Variants in TLN1 observed in about 807,000 individuals in gnomAD.
The protein encoded by TLN1 is talin-1.
TLN1 carries 56 observed loss-of-function variants against 292.3 expected under a neutral mutation model. The ratio of observed to expected loss-of-function variants is 0.19; its 90% CI spans 0.15 to 0.24. The LOEUF is 0.24. TLN1 is among the 10% of genes least tolerant of loss of function. TLN1 has a pLI of 1.00. For missense variants in TLN1, 2,433 were observed against 3,248.2 expected (o/e 0.75, Z 6.10); for synonymous variants, 1,119 against 1,253.7 (o/e 0.89, Z 2.27).
chr9:35,711,267 G>C lies in TLN1; in HGVS notation c.4007C>G (p.Ala1336Gly). The C allele has an allele frequency of 1.2e-6, 2 of 1,614,128 alleles. No individual in the cohort carries two copies. The highest frequency in any genetic ancestry group is 2.7e-5 in the African/African-American group (2 of 75,044). Residue 1336 changes from alanine to glycine, a missense_variant, in exon 30 of 57, where the codon GCT becomes GGT. Physicochemically the swap from Ala to Gly is moderately conservative, Grantham distance 60. Around this residue, in one of 7 missense-constraint regions of TLN1, gnomAD observed 1,384 missense variants for 1,699.6 expected, o/e 0.81. Transcript: ENST00000314888. ...AGCAACTACTTACCTGGCAGCTGCA[G>C]CCAGCTGACTCTTGAGGTTAGGGGC... ...PAAPNLKSQL[A>G]AAARAVTDSI...
In TLN1 at chr9:35,705,998, A is replaced by C. The variant is rs778340516; in HGVS notation, c.5475T>G (p.Gly1825=). The C allele has an allele frequency of 1.8e-5, 29 of 1,614,146 alleles. No individual in the cohort carries two copies. The highest frequency in any genetic ancestry group is 2.5e-5 in the Non-Finnish European group (29 of 1,180,002). The change falls in exon 41 of 57, where the codon GGT becomes GGG. Residue 1825 remains glycine, a synonymous_variant. Transcript: ENST00000314888. The stretch of plus-strand genomic sequence containing the variant: ...CCTGGGTGATGGAGTCCACCATGCC[A>C]CCCACGACCCCAGCAGCACTGGCTG... ...NEAASAAGVV[G]GMVDSITQAI...
chr9:35,701,977 A>G (rs1265026334), intron 48 of TLN1, among the ~76,000 whole-genome samples: 4 of 152,220 alleles, frequency 2.6e-5, no homozygotes, highest in African/African-American at 7.2e-5. Flanking sequence ...ATGCATTTAG[A>G]AATTAGAAAG....
rs1825589549 is a variant in TLN1, at chr9:35,707,613, G to A, written c.4632+118C>T. On this transcript the variant is annotated intron_variant, in intron 35 of 56. Coordinates refer to ENST00000314888, the MANE Select transcript of TLN1 (RefSeq NM_006289.4). The surrounding 1 kb of genome is among the most constrained non-coding windows in gnomAD (Gnocchi z 5.6). ...AGAGGCTAGGTGGTCAGTCTGAATAGAAAGAGCTTGGGCTCAGGCAGAGGG... is the reference window on the plus strand; with the variant it reads ...AGAGGCTAGGTGGTCAGTCTGAATAAAAAGAGCTTGGGCTCAGGCAGAGGG... The A allele has an allele frequency of 2.5e-6, 4 of 1,577,904 alleles. No homozygotes were observed. Among genetic ancestry groups the A allele is most frequent in the Non-Finnish European group, 2.6e-6 (3 of 1,158,094 alleles).
chr9:35,702,822 A>G (rs1489959769), intron 48 of TLN1, among the ~76,000 whole-genome samples: 1 of 152,172 alleles, frequency 6.6e-6, no homozygotes, highest in Non-Finnish European at 1.5e-5. Context: ...AGAAGAAAGA[A>G]TTTCAAAGAG....
rs1825844872 is a variant in TLN1 at position 35,719,516 on chromosome 9, T to C, written c.1687+3A>G. The stretch of plus-strand genomic sequence containing the variant: ...CACACCCGGAAGCTAGCATCCGGCC[T>C]ACCTGCTGTCAGGTTCACCACAGAC... On this transcript the variant is annotated splice_donor_region_variant and intron_variant, in intron 15 of 56. Coordinates refer to ENST00000314888, the MANE Select transcript of TLN1 (RefSeq NM_006289.4). The surrounding 1 kb of genome is among the most constrained non-coding windows in gnomAD (Gnocchi z 4.6). 6.2e-7 allele frequency: 1 copy of C among 1,613,020 alleles called. No homozygotes were observed. Among genetic ancestry groups the C allele is most frequent in the African/African-American group, 1.3e-5 (1 of 74,898 alleles).
At position 35,704,867 on chromosome 9, in the gene TLN1, C is replaced by T; in HGVS notation, c.5734-52G>A. The T allele has an allele frequency of 6.3e-7, 1 of 1,579,828 alleles. No individual in the cohort carries two copies. The highest frequency in any genetic ancestry group is 8.6e-7 in the Non-Finnish European group (1 of 1,158,362). On this transcript the variant is annotated intron_variant, in intron 43 of 56. Coordinates refer to ENST00000314888, the MANE Select transcript of TLN1 (RefSeq NM_006289.4). This position sits in a 1 kb window ranked among gnomAD's most constrained non-coding sequence, Gnocchi z 6.9. ...ATTTTACAAGGGGCACTCAGGGTAC[C>T]TTCACTGTGCTTGGAAAAGTCACTA...
At chr9:35,728,081 G>A (rs1473875843) in intron 1 of TLN1, among the ~76,000 whole-genome samples, 1 of 152,124 alleles carries the variant, frequency 6.6e-6, no homozygotes, top group Non-Finnish European at 1.5e-5. Flanking sequence ...CCCCCTCCCA[G>A]GGAACTCCTC....
In TLN1 at chr9:35,703,689, G is replaced by C. The variant is rs771009987; in HGVS notation, c.6358-13C>G. 4 of 1,614,180 alleles carry C rather than the reference G, an allele frequency of 2.5e-6. No homozygotes were observed. Among genetic ancestry groups the C allele is most frequent in the Non-Finnish European group, 1.7e-6 (2 of 1,180,008 alleles). On this transcript the variant is annotated splice_polypyrimidine_tract_variant and intron_variant, in intron 47 of 56. Coordinates refer to ENST00000314888, the MANE Select transcript of TLN1 (RefSeq NM_006289.4). ...TGGTCACCATCACCTGGAGGTATCA[G>C]AGGAGTGAAGAGGAATGATTTTAAG...
At chr9:35,727,914 T>C (rs910635911) in intron 1 of TLN1, among the ~76,000 whole-genome samples, 1 of 152,154 alleles carries the variant, frequency 6.6e-6, no homozygotes, top group African/African-American at 2.4e-5. Context: ...AGAGGGTGTG[T>C]GGACGCGAAG....
rs112062216 is a variant in TLN1 at position 35,703,819 on chromosome 9, C to T, written c.6313G>A (p.Val2105Ile). ...ISATKAAAGK[V>I]GDDPAVWQLK... ...TGCCACACAGCAGGGTCATCTCCAACTTTGCCAGCTGCAGCCTTCGTTGCA... is the reference window on the plus strand; with the variant it reads ...TGCCACACAGCAGGGTCATCTCCAATTTTGCCAGCTGCAGCCTTCGTTGCA... The change falls in exon 47 of 57, where the codon GTT becomes ATT. Residue 2105 changes from valine to isoleucine, a missense_variant. Physicochemically the swap from Val to Ile is conservative, Grantham distance 29. Transcript: ENST00000314888. 8.7e-6 allele frequency: 14 copies of T among 1,614,252 alleles called. No individual in the cohort carries two copies. The African/African-American group carries it at 9.3e-5, about 11-fold the overall frequency.
Position 35,719,616 on chromosome 9 carries a change from G to C in TLN1, c.1590C>G (p.Ala530=), listed in dbSNP as rs756894685. The change falls in exon 15 of 57, where the codon GCC becomes GCG. Residue 530 remains alanine (A), a synonymous_variant. Transcript: ENST00000314888. The surrounding 1 kb of genome is among the most constrained non-coding windows in gnomAD (Gnocchi z 4.6). ...ATTCATCCATCTTGTTTTTACGCCA[G>C]GCCTTAGAGGCCTGAAAGAGAGAGG... ...PPLGQDAASK[A]WRKNKMDESK... 6 of 1,614,166 alleles carry C rather than the reference G, an allele frequency of 3.7e-6. No individual in the cohort carries two copies. Among genetic ancestry groups the C allele is most frequent in the Non-Finnish European group, 5.1e-6 (6 of 1,179,990 alleles).
In TLN1 at chr9:35,714,691, T is replaced by G. The variant is rs1203056141; in HGVS notation, c.2872-4A>C. ...GTGGAATCTGCTCTGCCACTGCCTGTAGGTGAAAATGTCATAAGAGACCCA... is the reference window on the plus strand; with the variant it reads ...GTGGAATCTGCTCTGCCACTGCCTGGAGGTGAAAATGTCATAAGAGACCCA... On this transcript the variant is annotated splice_region_variant and splice_polypyrimidine_tract_variant and intron_variant, in intron 22 of 56. Coordinates refer to ENST00000314888, the MANE Select transcript of TLN1 (RefSeq NM_006289.4). The surrounding 1 kb of genome is among the most constrained non-coding windows in gnomAD (Gnocchi z 4.6). The G allele has an allele frequency of 2.5e-6, 4 of 1,613,922 alleles. No homozygotes were observed. Among genetic ancestry groups the G allele is most frequent in the Admixed American group, 3.3e-5 (2 of 59,984 alleles).
rs78425760 is a variant in TLN1, at chr9:35,730,011, T to C, written c.-34+2064A>G. ...TGTAGAAAAAGAATGCTGGTGATGA[T>C]GGTGTTTGGAAAAATACATATACAT... On this transcript the variant is annotated intron_variant, in intron 1 of 56. Transcript: ENST00000314888. Among the ~76,000 whole-genome samples the C allele has an allele frequency of 7.1e-3, 715 of 100,024 alleles. 15 individuals carry two copies. The highest frequency in any genetic ancestry group is 0.066 in the East Asian group (312 of 4,746). The allele number at this position is 100,024 out of a possible 152,430, so 65.6% of individuals were successfully genotyped here.
chr9:35,719,632 A>G lies in TLN1; in HGVS notation c.1579-5T>C, dbSNP rs768149030. 8.1e-6 allele frequency: 13 copies of G among 1,613,750 alleles called. No homozygotes were observed. The highest frequency in any genetic ancestry group is 1.1e-5 in the Non-Finnish European group (13 of 1,179,644). ...TTTACGCCAGGCCTTAGAGGCCTGA[A>G]AGAGAGAGGAAAAGCCTTCAGGATC... is the stretch of plus-strand genomic sequence containing the variant. On this transcript the variant is annotated splice_region_variant and splice_polypyrimidine_tract_variant and intron_variant, in intron 14 of 56. Coordinates refer to ENST00000314888, the MANE Select transcript of TLN1 (RefSeq NM_006289.4). The surrounding 1 kb of genome is among the most constrained non-coding windows in gnomAD (Gnocchi z 4.6).
At chr9:35,703,521 C>G (rs1425292206) in intron 48 of TLN1, 39 bp downstream of exon 48, 3 of 1,575,132 alleles carry the variant, frequency 1.9e-6, no homozygotes, top group Middle Eastern at 1.7e-4. Flanking sequence ...GGATCCCTCT[C>G]TCTGACCCTA....
chr9:35,712,775 C>T, intron 27 of TLN1, 60 bp downstream of exon 27: 1 of 1,457,602 alleles, frequency 6.9e-7, no homozygotes, highest in Non-Finnish European at 9.3e-7. Flanking sequence ...TGGCCTCAAT[C>T]AGGGTGGGCC....
Position 35,697,538 on chromosome 9 carries a change from TTAA to T in TLN1, c.*250_*252del. Reference sequence around the variant, plus strand: ...AGATTCAGATCGAGGTACAGCAGCGTTAATAATACTCTTGGAGCGTTAATACTC... The same window carrying T: ...AGATTCAGATCGAGGTACAGCAGCGTTAATACTCTTGGAGCGTTAATACTC... On this transcript the variant is annotated 3_prime_UTR_variant, in exon 57 of 57. Coordinates refer to ENST00000314888, the MANE Select transcript of TLN1 (RefSeq NM_006289.4). 1.9e-6 allele frequency: 1 copy of T among 513,736 alleles called. No homozygotes were observed. 31.8% of individuals were successfully genotyped at this position (513,736 alleles called of 1,614,324 possible).
chr9:35,711,414 C>T lies in TLN1; in HGVS notation c.3880-20G>A, dbSNP rs771061043. On this transcript the variant is annotated intron_variant, in intron 29 of 56. Coordinates refer to ENST00000314888, the MANE Select transcript of TLN1 (RefSeq NM_006289.4). ...CTGGCTCTGTTGAAGGTGACAAGGT[C>T]AATGCATTGTCCTGTCCTTTCTTAT... The T allele has an allele frequency of 1.2e-6, 2 of 1,614,116 alleles. No individual in the cohort carries two copies. The highest frequency in any genetic ancestry group is 1.6e-4 in the Middle Eastern group (1 of 6,062).
chr9:35,715,111 G>C lies in TLN1; in HGVS notation c.2702C>G (p.Thr901Ser). The change falls in exon 21 of 57, where the codon ACC (threonine) becomes AGC (serine). Residue 901 changes from threonine to serine, a missense_variant. Physicochemically the swap from Thr to Ser is moderately conservative, Grantham distance 58 (BLOSUM62 1). This residue lies in a region of TLN1 where 617 missense variants were observed against 770.6 expected (regional missense o/e 0.80). Transcript: ENST00000314888. ...GATGGCATTCTGCGCAGCTGCATTG[G>C]TGGCCATGCGCAGCCCCTCAGCTGC... ...REAAEGLRMA[T>S]NAAAQNAIKK... The C allele has an allele frequency of 1.2e-6, 2 of 1,613,250 alleles. No homozygotes were observed. The highest frequency in any genetic ancestry group is 1.7e-6 in the Non-Finnish European group (2 of 1,180,040).
Sources: gnomAD v4.1 joint callset for allele counts (sites outside exome capture counted in the v4.1 genomes callset) on GRCh38, gnomAD v4.1.1 for gene constraint, gnomAD v4.1.1 regional missense constraint, Gnocchi (gnomAD v3.1) non-coding constraint, MANE v1.5 for transcripts, NCBI Gene and HGNC (gene_info 2026-07-23, HGNC 2026-07-21) for gene names.